NELL2: variants seen among roughly 807,000 people sequenced by gnomAD.
The protein encoded by NELL2 is neural EGFL like 2, also known as protein kinase C-binding protein NELL2.
A neutral mutation model predicts 109.6 loss-of-function variants in NELL2; 41 were observed. The observed-to-expected ratio is 0.37, with a 90% confidence interval of 0.29 to 0.49. The LOEUF (loss-of-function observed/expected upper bound fraction) is 0.49, where lower values mean the gene tolerates loss of function less well. Ranked by LOEUF, NELL2 falls within the 20% of genes least tolerant of loss-of-function variation. The probability of loss-of-function intolerance (pLI) is 0.98; values close to 1 mark genes in which losing one functional copy is unlikely to be tolerated. For missense variants in NELL2, 900 were observed against 1,008.3 expected (o/e 0.89, Z 1.45); for synonymous variants, 355 against 344.7 (o/e 1.03, Z -0.33).
Position 44,578,089 on chromosome 12 carries a change from CAGTA to C in NELL2, c.1663+29076_1663+29079del, listed in dbSNP as rs1456012033. On this transcript the variant is annotated intron_variant, in intron 15 of 19. Transcript: ENST00000429094. ...CAAACGTTATCCCTTAAATGTAGTT[CAGTA>C]AGTATCTATTGAAGTAAATGGTTGT... is the stretch of plus-strand genomic sequence containing the variant. 2.6e-5 allele frequency among the ~76,000 whole-genome samples: 4 copies of C among 152,224 alleles called. No homozygotes were observed. In the South Asian group the frequency reaches 8.3e-4, roughly 32 times the overall value.
intron 13 of NELL2, among the ~76,000 whole-genome samples, chr12:44,625,081 T>A (rs1946204487): frequency 6.7e-6 from 1 of 149,170 alleles, no homozygotes; most frequent in Admixed American, 6.7e-5. Flanking sequence ...ATGTTAATTA[T>A]AGATTTATTT....
chr12:44,810,258 C>A (rs1943130410), intron 3 of NELL2, among the ~76,000 whole-genome samples: 1 of 152,088 alleles, frequency 6.6e-6, no homozygotes, highest in Non-Finnish European at 1.5e-5. Context: ...AATGCACAAT[C>A]CTTGACAGCA....
intron 9 of NELL2, among the ~76,000 whole-genome samples, chr12:44,747,236 G>T (rs1940418084): frequency 6.6e-6 from 1 of 151,964 alleles, no homozygotes; most frequent in African/African-American, 2.4e-5. Flanking sequence ...ACTCATATGT[G>T]GGAATTGAAC....
At chr12:44,654,860 G>A (rs902497565) in intron 13 of NELL2, among the ~76,000 whole-genome samples, 20 of 152,264 alleles carry the variant, frequency 1.3e-4, no homozygotes, top group South Asian at 8.3e-4. Flanking sequence ...ATGGGAAGAC[G>A]AACTCTGCTC....
At chr12:44,911,841 G>C (rs1016553623) in intron 1 of NELL2, among the ~76,000 whole-genome samples, 1 of 150,122 alleles carries the variant, frequency 6.7e-6, no homozygotes, top group Admixed American at 6.6e-5. Flanking sequence ...GTGAGAGTCA[G>C]AGTAAAGTCA....
chr12:44,779,706 G>A lies in NELL2; in HGVS notation c.563C>T (p.Thr188Ile), dbSNP rs1941881752. ...KPSTDLPLGT[T>I]FWLGQRNNAH... is the part of the protein sequence containing the mutation. ...ATTATTTCTCTGTCCTAGCCAAAAT[G>A]TTGTGCCTAGAGGCAAGTCTGTGGA... The change falls in exon 5 of 20, where the codon ACA becomes ATA. Residue 188 changes from threonine (T) to isoleucine (I), a missense_variant. Coordinates refer to ENST00000429094, the MANE Select transcript of NELL2 (RefSeq NM_001145108.2). The A allele has an allele frequency of 6.2e-7, 1 of 1,613,962 alleles. No individual in the cohort carries two copies. The highest frequency in any genetic ancestry group is 8.5e-7 in the Non-Finnish European group (1 of 1,179,880).
intron 12 of NELL2, among the ~76,000 whole-genome samples, chr12:44,682,127 A>G (rs1455553767): frequency 6.7e-6 from 1 of 149,612 alleles, no homozygotes; most frequent in Non-Finnish European, 1.5e-5. Context: ...GTGTGAGATG[A>G]TATCTCATTG....
intron 9 of NELL2, among the ~76,000 whole-genome samples, chr12:44,724,459 C>G (rs948315323): frequency 1.3e-5 from 2 of 151,956 alleles, no homozygotes; most frequent in African/African-American, 4.8e-5. Context: ...TATACACCAA[C>G]AAGAACCAAA....
At chr12:44,671,611 G>A (rs1045964256) in intron 12 of NELL2, among the ~76,000 whole-genome samples, 5 of 151,878 alleles carry the variant, frequency 3.3e-5, no homozygotes, top group African/African-American at 9.7e-5. Context: ...GAAATAGAAA[G>A]GATCATAAAA....
At chr12:44,602,417 T>G (rs1945254519) in intron 15 of NELL2, among the ~76,000 whole-genome samples, 1 of 152,218 alleles carries the variant, frequency 6.6e-6, no homozygotes, top group Non-Finnish European at 1.5e-5. Flanking sequence ...CAAAGCTTCC[T>G]TAATTCCAAA....
rs182417784 is a variant in NELL2 at position 44,672,051 on chromosome 12, G to A, written c.1319-6442C>T. Among the ~76,000 whole-genome samples the A allele has an allele frequency of 8.8e-4, 134 of 152,342 alleles. 1 individual carries two copies. The highest frequency in any genetic ancestry group is 3.4e-3 in the Middle Eastern group (1 of 294). Reference sequence around the variant, plus strand: ...TCCTCAAACAAAAGTGGTTCCTGGTGAGAGATGATAGTTCCTGGTACAGAT... The same window carrying A: ...TCCTCAAACAAAAGTGGTTCCTGGTAAGAGATGATAGTTCCTGGTACAGAT... On this transcript the variant is annotated intron_variant, in intron 12 of 19. Coordinates refer to ENST00000429094, the MANE Select transcript of NELL2 (RefSeq NM_001145108.2).
chr12:44,570,535 T>A (rs929428510), intron 15 of NELL2, among the ~76,000 whole-genome samples: 1 of 152,126 alleles, frequency 6.6e-6, no homozygotes, highest in African/African-American at 2.4e-5. Context: ...AATCCTTTTT[T>A]AAAAAAACTT....
At chr12:44,606,108 T>C (rs1210772361) in intron 15 of NELL2, among the ~76,000 whole-genome samples, 1 of 152,086 alleles carries the variant, frequency 6.6e-6, no homozygotes, top group South Asian at 2.1e-4. Flanking sequence ...TTGAAATCAG[T>C]CACTGAAGTT....
At chr12:44,856,888 T>C (rs1042120043) in intron 2 of NELL2, among the ~76,000 whole-genome samples, 3 of 152,198 alleles carry the variant, frequency 2.0e-5, no homozygotes, top group African/African-American at 7.2e-5. Context: ...AAGGACAGAC[T>C]GCAGAGAAGC....
chr12:44,793,093 C>T (rs1009749427), intron 3 of NELL2, among the ~76,000 whole-genome samples: 9 of 152,044 alleles, frequency 5.9e-5, no homozygotes, highest in Non-Finnish European at 1.2e-4. Context: ...AACAAAAAGG[C>T]TGTGTATAAT....
chr12:44,790,047 A>G (rs1942323321), intron 3 of NELL2, among the ~76,000 whole-genome samples: 1 of 152,172 alleles, frequency 6.6e-6, no homozygotes, highest in Non-Finnish European at 1.5e-5. Context: ...CTTGGAAAAC[A>G]TATTTGGGGG....
At chr12:44,602,028 C>A (rs567453393) in intron 15 of NELL2, among the ~76,000 whole-genome samples, 1 of 152,054 alleles carries the variant, frequency 6.6e-6, no homozygotes, top group African/African-American at 2.4e-5. Flanking sequence ...AGAGAAGTTA[C>A]GTCTTAATTA....
intron 12 of NELL2, among the ~76,000 whole-genome samples, chr12:44,672,657 A>G (rs1349522533): frequency 6.6e-6 from 1 of 152,246 alleles, no homozygotes; most frequent in Non-Finnish European, 1.5e-5. Flanking sequence ...TGATGGCACT[A>G]AAGTTCTGTG....
At chr12:44,775,267 A>G (rs1941712895) in intron 8 of NELL2, among the ~76,000 whole-genome samples, 1 of 152,034 alleles carries the variant, frequency 6.6e-6, no homozygotes, top group Non-Finnish European at 1.5e-5. Flanking sequence ...ACACACACAC[A>G]CACAGTTCTG....
Sources: allele counts gnomAD v4.1 joint callset (sites outside exome capture counted in the v4.1 genomes callset), GRCh38; gene constraint gnomAD v4.1.1; transcripts MANE v1.5; gene names NCBI Gene and HGNC (gene_info 2026-07-23, HGNC 2026-07-21).